The following ST18 variants were observed in gnomAD, a reference collection of about 807,000 sequenced individuals.
The protein encoded by ST18 is ST18 C2H2C-type zinc finger transcription factor.
ST18 carries 50 observed loss-of-function variants against 110.0 expected under a neutral mutation model. That is an observed-to-expected ratio of 0.45 (90% CI 0.36 to 0.58). The LOEUF (loss-of-function observed/expected upper bound fraction) is 0.58, where lower values mean the gene tolerates loss of function less well. Ranked by LOEUF, ST18 falls within the 20% of genes least tolerant of loss-of-function variation. The probability of loss-of-function intolerance (pLI) is 0.00; values close to 1 mark genes in which losing one functional copy is unlikely to be tolerated. For missense variants in ST18, 1,306 were observed against 1,280.1 expected, an observed-to-expected ratio of 1.02 and a Z score of -0.31; for synonymous variants, 461 against 452.4, an observed-to-expected ratio of 1.02 and a Z score of -0.24.
intron 2 of ST18, among the ~76,000 whole-genome samples, chr8:52,332,006 A>G (rs1422392612): frequency 6.6e-6 from 1 of 152,136 alleles, no homozygotes; most frequent in Non-Finnish European, 1.5e-5. Context: ...GTAAATATAT[A>G]TTTATTCAAG....
At position 52,172,295 on chromosome 8, in the gene ST18, GAGGAGCAGA is replaced by G; in HGVS notation, c.557_565del (p.Phe186_Ser188del). On this transcript the variant is annotated inframe_deletion, in exon 10 of 26. Coordinates refer to ENST00000689386, the MANE Select transcript of ST18 (RefSeq NM_001352837.2). The stretch of plus-strand genomic sequence containing the variant: ...TTCAGAGTTACTTTCATTGTCATCA[GAGGAGCAGA>G]AGGGTGGCTGAGAATCATCAATCTT... The G allele has an allele frequency of 6.2e-7, 1 of 1,614,192 alleles. No individual in the cohort carries two copies. Among genetic ancestry groups the G allele is most frequent in the East Asian group, 2.2e-5 (1 of 44,872 alleles).
At chr8:52,183,128 G>A (rs534700425) in intron 8 of ST18, among the ~76,000 whole-genome samples, 24 of 152,296 alleles carry the variant, frequency 1.6e-4, no homozygotes, top group Admixed American at 1.4e-3. Flanking sequence ...GGACATAGAT[G>A]TGGGTGATTT....
intron 2 of ST18, among the ~76,000 whole-genome samples, chr8:52,252,357 A>G (rs940695573): frequency 1.3e-5 from 2 of 152,046 alleles, no homozygotes; most frequent in African/African-American, 4.8e-5. Flanking sequence ...CAGAGTATGT[A>G]TGTTAACTTT....
intron 6 of ST18, among the ~76,000 whole-genome samples, chr8:52,217,159 A>C (rs529983734): frequency 6.6e-6 from 1 of 152,278 alleles, no homozygotes; most frequent in Admixed American, 6.5e-5. Context: ...GTTTTCTCAA[A>C]ACAGAGGTTT....
chr8:52,167,638 C>G (rs2063461816), intron 10 of ST18, among the ~76,000 whole-genome samples: 1 of 152,242 alleles, frequency 6.6e-6, no homozygotes, highest in African/African-American at 2.4e-5. Context: ...GAAGAAGCTG[C>G]TGATCTCACT....
intron 2 of ST18, among the ~76,000 whole-genome samples, chr8:52,340,442 G>A (rs570758176): frequency 6.6e-6 from 1 of 152,184 alleles, no homozygotes; most frequent in African/African-American, 2.4e-5. Context: ...TCCAGTGCAG[G>A]AAACTCAGAG....
At chr8:52,324,779 C>T (rs551131001) in intron 2 of ST18, among the ~76,000 whole-genome samples, 1 of 151,996 alleles carries the variant, frequency 6.6e-6, no homozygotes, top group Admixed American at 6.6e-5. Flanking sequence ...TATTCATTAC[C>T]TCATTTAATC....
chr8:52,137,389 A>C, intron 18 of ST18, 32 bp downstream of exon 18: 1 of 1,612,724 alleles, frequency 6.2e-7, no homozygotes, highest in South Asian at 1.1e-5. Flanking sequence ...CAAGACCATG[A>C]AAATCTGACT....
At chr8:52,267,504 A>AC (rs34495994) in intron 2 of ST18, among the ~76,000 whole-genome samples, 1 of 144,180 alleles carries the variant, frequency 6.9e-6, no homozygotes, top group Non-Finnish European at 1.5e-5. Context: ...AAAAAAAAAA[A>AC]CCCAAAACCC....
chr8:52,311,617 G>A (rs1350561671), intron 2 of ST18, among the ~76,000 whole-genome samples: 1 of 152,192 alleles, frequency 6.6e-6, no homozygotes, highest in Non-Finnish European at 1.5e-5. Flanking sequence ...AAAGCCTCAG[G>A]AAACTTACAA....
chr8:52,333,339 T>C (rs1216710369), intron 2 of ST18, among the ~76,000 whole-genome samples: 2 of 150,446 alleles, frequency 1.3e-5, no homozygotes, highest in Middle Eastern at 3.2e-3. Flanking sequence ...GACAAGCAGC[T>C]GAGAGAACAC....
At position 52,149,991 on chromosome 8, in the gene ST18, G is replaced by T. The variant is rs767836073; in HGVS notation, c.1807-14C>A. 1 of 1,606,528 alleles carries T rather than the reference G, an allele frequency of 6.2e-7. No individual in the cohort carries two copies. ...TATTTCGGCTCCCTGGTATACAATA[G>T]GAAACAGAAAAACATTTAAGCAGTT... On this transcript the variant is annotated splice_polypyrimidine_tract_variant and intron_variant, in intron 15 of 25. Coordinates refer to ENST00000689386, the MANE Select transcript of ST18 (RefSeq NM_001352837.2).
intron 17 of ST18, 137 bp downstream of exon 17, chr8:52,142,793 C>G: frequency 1.6e-6 from 1 of 620,390 alleles, no homozygotes; most frequent in East Asian, 2.7e-5. Flanking sequence ...AGGTTAGATG[C>G]GTGTTTAACG....
At chr8:52,190,893 C>A (rs575744447) in intron 8 of ST18, among the ~76,000 whole-genome samples, 2 of 152,166 alleles carry the variant, frequency 1.3e-5, no homozygotes, top group African/African-American at 2.4e-5. Flanking sequence ...CACACCATAT[C>A]GGTGAAGTGC....
intron 2 of ST18, among the ~76,000 whole-genome samples, chr8:52,330,603 C>T (rs1808803789): frequency 6.6e-6 from 1 of 152,206 alleles, no homozygotes; most frequent in Admixed American, 6.5e-5. Flanking sequence ...ACTTTGATGG[C>T]TAGGTTGGAG....
chr8:52,217,775 A>G lies in ST18; in HGVS notation c.-30T>C, dbSNP rs1321929484. 6.6e-6 allele frequency: 1 copy of G among 152,232 alleles called. No individual in the cohort carries two copies. The highest frequency in any genetic ancestry group is 2.4e-5 in the African/African-American group (1 of 41,448). 9.4% of individuals were successfully genotyped at this position (152,232 alleles called of 1,614,324 possible). A position where few individuals can be genotyped will look rare whatever the true frequency, so the allele number is the denominator to read the frequency against. On this transcript the variant is annotated 5_prime_UTR_variant, in exon 6 of 26. Coordinates refer to ENST00000689386, the MANE Select transcript of ST18 (RefSeq NM_001352837.2). Reference sequence around the variant, plus strand: ...AAACAGATGTATAAAGTGATTTCCTAGTACTTGTACTTGACGTCTTTTCTT... The same window carrying G: ...AAACAGATGTATAAAGTGATTTCCTGGTACTTGTACTTGACGTCTTTTCTT...
At chr8:52,208,460 T>G (rs2080912562) in intron 8 of ST18, among the ~76,000 whole-genome samples, 1 of 152,210 alleles carries the variant, frequency 6.6e-6, no homozygotes, top group Non-Finnish European at 1.5e-5. Flanking sequence ...TCCATATGAA[T>G]CAGTACTTTT....
At chr8:52,253,322 A>T (rs1427136644) in intron 2 of ST18, among the ~76,000 whole-genome samples, 1 of 152,144 alleles carries the variant, frequency 6.6e-6, no homozygotes, top group Admixed American at 6.6e-5. Context: ...TGTATAACTA[A>T]GTAATATTTC....
intron 2 of ST18, among the ~76,000 whole-genome samples, chr8:52,382,781 G>A (rs554502076): frequency 1.7e-4 from 26 of 150,794 alleles, no homozygotes. Flanking sequence ...TAAAGATATA[G>A]GGCAAGAAAG....
Sources: allele counts gnomAD v4.1 joint callset (sites outside exome capture counted in the v4.1 genomes callset), GRCh38; gene constraint gnomAD v4.1.1; transcripts MANE v1.5; gene names NCBI Gene and HGNC (gene_info 2026-07-23, HGNC 2026-07-21).